OSGIN1: variants seen among roughly 807,000 people sequenced by gnomAD.
OSGIN1 encodes the protein oxidative stress-induced growth inhibitor 1.
In OSGIN1, 19 loss-of-function variants were observed where a neutral mutation model predicts 20.1. That is an observed-to-expected ratio of 0.95 (90% CI 0.66 to 1.39). OSGIN1 has a LOEUF of 1.39. Among genes scored for constraint, OSGIN1 ranks in the 40% most tolerant of loss-of-function variants. OSGIN1 has a pLI of 0.00. For missense variants in OSGIN1, 820 were observed against 653.0 expected (o/e 1.26, Z -2.79); for synonymous variants, 368 against 297.8 (o/e 1.24, Z -2.43).
intron 1 of OSGIN1, among the ~76,000 whole-genome samples, chr16:83,953,722 G>A (rs1346490634): frequency 1.3e-5 from 2 of 152,130 alleles, no homozygotes; most frequent in Non-Finnish European, 2.9e-5. Context: ...AGGCCACTGG[G>A]TCGGCAGCCA....
chr16:83,965,056 C>G lies in OSGIN1; in HGVS notation c.489-6C>G. 1 of 1,583,944 alleles carries G rather than the reference C, an allele frequency of 6.3e-7. No homozygotes were observed. Among genetic ancestry groups the G allele is most frequent in the Non-Finnish European group, 8.6e-7 (1 of 1,161,004 alleles). On this transcript the variant is annotated splice_region_variant and splice_polypyrimidine_tract_variant and intron_variant, in intron 5 of 5. Coordinates refer to ENST00000393306, the MANE Select transcript of OSGIN1 (RefSeq NM_182981.3). ...TGACTCTGGCGTCCTGCATCCTCCC[C>G]AACAGAGGTCTTCGCAACAGCCGGG...
intron 2 of OSGIN1, among the ~76,000 whole-genome samples, chr16:83,957,966 T>C (rs946257641): frequency 6.6e-6 from 1 of 152,202 alleles, no homozygotes; most frequent in African/African-American, 2.4e-5. Flanking sequence ...AACCTCTCCC[T>C]CCCGGGCTCA....
intron 1 of OSGIN1, among the ~76,000 whole-genome samples, chr16:83,955,390 G>A (rs748736066): frequency 7.2e-5 from 11 of 152,126 alleles, no homozygotes; most frequent in Non-Finnish European, 1.5e-4. Context: ...ACCCTGGAAC[G>A]GACACTGCAC....
At chr16:83,953,491 C>G in intron 1 of OSGIN1, 121 bp downstream of exon 1, 1 of 876,648 alleles carries the variant, frequency 1.1e-6, no homozygotes, top group South Asian at 1.6e-5. Flanking sequence ...CCCGGGTGGT[C>G]CTGAGTGGAG....
rs371152968 is a variant in OSGIN1, at chr16:83,965,509, C to A, written c.936C>A (p.Ile312=). The part of the protein sequence containing the change: ...LYARHYNIPV[I]HAFRRAVDDP... ...CCCGCCACTACAACATCCCGGTGATCCATGCCTTCCGCCGGGCCGTGGACG... is the reference window on the plus strand; with the variant it reads ...CCCGCCACTACAACATCCCGGTGATACATGCCTTCCGCCGGGCCGTGGACG... The change falls in exon 6 of 6, where the codon ATC becomes ATA. Residue 312 remains isoleucine (I), a synonymous_variant. Transcript: ENST00000393306. 1 of 1,612,098 alleles carries A rather than the reference C, an allele frequency of 6.2e-7. No homozygotes were observed. The highest frequency in any genetic ancestry group is 8.5e-7 in the Non-Finnish European group (1 of 1,179,998).
In OSGIN1 at chr16:83,965,740, C is replaced by T. The variant is rs923728208; in HGVS notation, c.1167C>T (p.Val389=). ...AGGGTGTCGAGAAGGTGTTTGGGGT[C>T]TCCCTGGTGCTGGTCCTCATCGGCT... The part of the protein sequence containing the change: ...DLEGVEKVFG[V]SLVLVLIGSH... Residue 389 remains valine (V), a synonymous_variant, in exon 6 of 6, where the codon GTC becomes GTT. Transcript: ENST00000393306. 1 of 1,613,492 alleles carries T rather than the reference C, an allele frequency of 6.2e-7. No individual in the cohort carries two copies.
chr16:83,958,657 G>A (rs1254552703), intron 2 of OSGIN1, among the ~76,000 whole-genome samples: 2 of 152,202 alleles, frequency 1.3e-5, no homozygotes, highest in Non-Finnish European at 2.9e-5. Flanking sequence ...CTATCACAGG[G>A]CTGTGCCTGG....
Position 83,960,644 on chromosome 16 carries a change from C to G in OSGIN1, c.280C>G (p.Arg94Gly), listed in dbSNP as rs62640906. ...GGCCCTGCTCTTTGATGCCCTTCTA[C>G]GCCCAGACACAGACTTTGGGGGAAA... ...PVALLFDALL[R>G]PDTDFGGNMK... The change falls in exon 4 of 6, where the codon CGC (arginine) becomes GGC (glycine). Residue 94 changes from arginine (R) to glycine (G), a missense_variant. By Grantham distance (125) the Arg-to-Gly change is moderately radical. Coordinates refer to ENST00000393306, the MANE Select transcript of OSGIN1 (RefSeq NM_182981.3). 3,751 of 1,613,596 alleles carry G rather than the reference C, an allele frequency of 2.3e-3. 6 individuals carry two copies. The highest frequency in any genetic ancestry group is 2.9e-3 in the Non-Finnish European group (3,392 of 1,180,028).
intron 5 of OSGIN1, among the ~76,000 whole-genome samples, chr16:83,963,343 T>C (rs1345328863): frequency 6.6e-6 from 1 of 152,186 alleles, no homozygotes; most frequent in African/African-American, 2.4e-5. Context: ...TCCTTTTACA[T>C]GGCCTCACAA....
chr16:83,954,327 A>G (rs1908826789), intron 1 of OSGIN1: 1 of 152,262 alleles, frequency 6.6e-6, no homozygotes, highest in Non-Finnish European at 1.5e-5. Flanking sequence ...CACTTGAAAG[A>G]AACGTCAGTC....
At chr16:83,961,804 AG>A (rs1265664681) in intron 5 of OSGIN1, among the ~76,000 whole-genome samples, 1 of 151,950 alleles carries the variant, frequency 6.6e-6, no homozygotes, top group East Asian at 1.9e-4. Flanking sequence ...GCCTCTAAGG[AG>A]GGGGTAACAC....
chr16:83,959,581 C>T lies in OSGIN1; in HGVS notation c.204+185C>T, dbSNP rs558645879. 3.9e-5 allele frequency among the ~76,000 whole-genome samples: 6 copies of T among 152,330 alleles called. No homozygotes were observed. In the South Asian group the frequency reaches 8.3e-4, roughly 21 times the overall value. ...AAATCAGAGACCCACAAATGCCACA[C>T]GATCTAGGGCTCACTATGCCCTAGG... On this transcript the variant is annotated intron_variant, in intron 3 of 5. Transcript: ENST00000393306.
rs746778853 is a variant in OSGIN1 at position 83,959,305 on chromosome 16, A to G, written c.113A>G (p.Tyr38Cys). 3.0e-5 allele frequency: 48 copies of G among 1,613,148 alleles called. No individual in the cohort carries two copies. The East Asian group carries it at 9.6e-4, about 32-fold the overall frequency. The change falls in exon 3 of 6, where the codon TAC (tyrosine) becomes TGC (cysteine). Residue 38 changes from tyrosine to cysteine, a missense_variant. Coordinates refer to ENST00000393306, the MANE Select transcript of OSGIN1 (RefSeq NM_182981.3). Reference sequence around the variant, plus strand: ...TGCCTGTCCTACCTGCTCTCCGGCTACACACCCTACACGAAGCCAGATGCC... The same window carrying G: ...TGCCTGTCCTACCTGCTCTCCGGCTGCACACCCTACACGAAGCCAGATGCC... ...GICLSYLLSG[Y>C]TPYTKPDAIH...
At chr16:83,961,422 T>C (rs2084210115) in intron 5 of OSGIN1, among the ~76,000 whole-genome samples, 1 of 151,970 alleles carries the variant, frequency 6.6e-6, no homozygotes, top group South Asian at 2.1e-4. Context: ...CTGATGAGCC[T>C]CTCCAAATGA....
intron 5 of OSGIN1, among the ~76,000 whole-genome samples, chr16:83,961,691 G>C (rs368160574): frequency 6.6e-6 from 1 of 152,106 alleles, no homozygotes; most frequent in African/African-American, 2.4e-5. Context: ...ACATGAGTGG[G>C]GGTGAGCAGC....
intron 1 of OSGIN1, 31 bp from the exon 2 acceptor site, chr16:83,957,608 TG>T: frequency 8.9e-7 from 1 of 1,125,472 alleles, no homozygotes; most frequent in Non-Finnish European, 1.3e-6. Context: ...CTCACCCGAA[TG>T]GACTCTTCCT....
In OSGIN1 at chr16:83,965,714, G is replaced by T. The variant is rs761992566; in HGVS notation, c.1141G>T (p.Glu381Ter). The T allele has an allele frequency of 6.2e-7, 1 of 1,613,614 alleles. No individual in the cohort carries two copies. Among genetic ancestry groups the T allele is most frequent in the African/African-American group, 1.3e-5 (1 of 75,044 alleles). Residue 381 changes from glutamate to a stop codon, truncating the protein, a stop_gained, in exon 6 of 6, where the codon GAG (glutamate) becomes TAG (stop). Coordinates refer to ENST00000393306, the MANE Select transcript of OSGIN1 (RefSeq NM_182981.3). LOFTEE classifies it low-confidence loss of function (END_TRUNC). ...EDCQAVFQDL[E>*]GVEKVFGVSL... The stretch of plus-strand genomic sequence containing the variant: ...CTGCCAGGCCGTGTTCCAGGACCTC[G>T]AGGGTGTCGAGAAGGTGTTTGGGGT...
chr16:83,959,475 C>G (rs536919924), intron 3 of OSGIN1, 79 bp downstream of exon 3: 1 of 1,365,616 alleles, frequency 7.3e-7, no homozygotes, highest in African/African-American at 1.5e-5. Flanking sequence ...CAGGGAAAAA[C>G]AAAAGTGTGT....
Position 83,957,798 on chromosome 16 carries a change from T to TA in OSGIN1, c.67+60_67+61insA. The TA allele has an allele frequency of 9.6e-6, 9 of 932,842 alleles. No individual in the cohort carries two copies. In the Admixed American group the frequency reaches 2.2e-4, roughly 22 times the overall value. 57.8% of individuals were successfully genotyped at this position (932,842 alleles called of 1,614,324 possible). On this transcript the variant is annotated intron_variant, in intron 2 of 5. Coordinates refer to ENST00000393306, the MANE Select transcript of OSGIN1 (RefSeq NM_182981.3). The stretch of plus-strand genomic sequence containing the variant: ...CTGAGCCTTCCGGGTACCCCCCAGG[T>TA]CTGAGGGCAGGAGCTGGGCAAGTCC...
Sources: gnomAD v4.1 joint callset for allele counts (sites outside exome capture counted in the v4.1 genomes callset) on GRCh38, gnomAD v4.1.1 for gene constraint, MANE v1.5 for transcripts, NCBI Gene and HGNC (gene_info 2026-07-23, HGNC 2026-07-21) for gene names.